ZNF695: variants seen among roughly 807,000 people sequenced by gnomAD.
The protein encoded by ZNF695 is zinc finger protein SBZF3.
A neutral mutation model predicts 11.2 loss-of-function variants in ZNF695; 11 were observed. That is an observed-to-expected ratio of 0.98 (90% confidence interval 0.62 to 1.62). ZNF695 has a LOEUF of 1.62. Ranked by LOEUF, ZNF695 falls within the 40% of genes most tolerant of loss-of-function variation. The probability of loss-of-function intolerance (pLI) is 0.00; values close to 1 mark genes in which losing one functional copy is unlikely to be tolerated. For synonymous variants in ZNF695, 190 were observed against 201.4 expected (o/e 0.94, Z 0.48); for missense variants, 559 against 590.5 (o/e 0.95, Z 0.55).
At chr1:246,989,689 G>A (rs1668968602) in intron 3 of ZNF695, among the ~76,000 whole-genome samples, 1 of 152,198 alleles carries the variant, frequency 6.6e-6, no homozygotes, top group Non-Finnish European at 1.5e-5. Flanking sequence ...CTGAATGGAT[G>A]AAAACACAAG....
rs748651459 is a variant in ZNF695, at chr1:246,986,936, T to C, written c.*31A>G. 18 of 1,534,350 alleles carry C rather than the reference T, an allele frequency of 1.2e-5. No individual in the cohort carries two copies. Among genetic ancestry groups the C allele is most frequent in the South Asian group, 4.0e-5 (3 of 75,450 alleles). On this transcript the variant is annotated 3_prime_UTR_variant, in exon 4 of 4. Transcript: ENST00000339986. ...AGTTGTGAATAGGTATTAAAGACTA[T>C]GCCATATTGTTTAGAATTGTAGGGT...
At chr1:246,988,473 C>A (rs1046083995) in intron 3 of ZNF695, among the ~76,000 whole-genome samples, 1 of 151,986 alleles carries the variant, frequency 6.6e-6, no homozygotes, top group Non-Finnish European at 1.5e-5. Flanking sequence ...AAATGACGTA[C>A]AATGAAGCTC....
At chr1:246,984,424 G>C (rs547629196), downstream of ZNF695, among the ~76,000 whole-genome samples, 1 of 152,246 alleles carries the variant, frequency 6.6e-6, no homozygotes, top group East Asian at 1.9e-4. Context: ...AGCCTGGGTA[G>C]AGAAGTCCTT....
At chr1:246,946,974 T>C (rs894422053) in intron 5 of ZNF695, among the ~76,000 whole-genome samples, 2 of 151,854 alleles carry the variant, frequency 1.3e-5, no homozygotes, top group Non-Finnish European at 2.9e-5. Flanking sequence ...ACCCCGTCTC[T>C]ACAAAAAATA....
intron 5 of ZNF695, among the ~76,000 whole-genome samples, chr1:246,961,352 T>C (rs1212472042): frequency 6.6e-6 from 1 of 152,220 alleles, no homozygotes; most frequent in African/African-American, 2.4e-5. Context: ...CATGTGCACG[T>C]AGATACTCGA....
At chr1:247,004,810 G>A (rs1669488430) in intron 1 of ZNF695, among the ~76,000 whole-genome samples, 1 of 152,108 alleles carries the variant, frequency 6.6e-6, no homozygotes. Context: ...AAAAAGAAAT[G>A]AAGAAAGTAA....
chr1:246,947,137 C>CTCAAAAA (rs1329661347), intron 5 of ZNF695, among the ~76,000 whole-genome samples: 1 of 90,330 alleles, frequency 1.1e-5, no homozygotes, highest in Non-Finnish European at 2.1e-5. Context: ...GAGACTCCGT[C>CTCAAAAA]AAAAAAAAAA....
downstream of ZNF695, among the ~76,000 whole-genome samples, chr1:246,984,152 CAAAA>C (rs11321674): frequency 1.1e-5 from 1 of 91,628 alleles, no homozygotes; most frequent in Non-Finnish European, 2.0e-5. Flanking sequence ...ACCATGTCTC[CAAAA>C]AAAAAAAAAA....
At chr1:246,958,001 G>C (rs1052798574) in intron 5 of ZNF695, among the ~76,000 whole-genome samples, 19 of 151,610 alleles carry the variant, frequency 1.3e-4, no homozygotes, top group African/African-American at 4.6e-4. Context: ...TTGGATCTAT[G>C]TTTCTTCTCT....
intron 3 of ZNF695, among the ~76,000 whole-genome samples, chr1:246,996,537 AAAAT>A (rs1295228672): frequency 6.6e-6 from 1 of 152,354 alleles, no homozygotes; most frequent in African/African-American, 2.4e-5. Context: ...TGTCTCAAGA[AAAAT>A]AAATAAATAA....
At chr1:246,993,601 G>T (rs1343718370) in intron 3 of ZNF695, among the ~76,000 whole-genome samples, 1 of 152,006 alleles carries the variant, frequency 6.6e-6, no homozygotes, top group African/African-American at 2.4e-5. Context: ...AGATTACAAT[G>T]TATACAAAGT....
intron 5 of ZNF695, among the ~76,000 whole-genome samples, chr1:246,963,773 G>C (rs1040980486): frequency 6.6e-6 from 1 of 152,128 alleles, no homozygotes; most frequent in African/African-American, 2.4e-5. Context: ...ACACCAGCTG[G>C]GTGATCTACA....
At chr1:246,967,257 G>T (rs1668313132) in intron 5 of ZNF695, among the ~76,000 whole-genome samples, 1 of 152,096 alleles carries the variant, frequency 6.6e-6, no homozygotes, top group African/African-American at 2.4e-5. Context: ...CATATTAAAA[G>T]GATTATATAT....
chr1:246,945,938 G>A, intron 5 of ZNF695: 1 of 1,353,252 alleles, frequency 7.4e-7, no homozygotes, highest in South Asian at 1.3e-5. Flanking sequence ...TTCCATTGGA[G>A]AAGTCTGTCT....
At position 246,986,133 on chromosome 1, in the gene ZNF695, G is replaced by T; in HGVS notation, c.*834C>A. On this transcript the variant is annotated 3_prime_UTR_variant, in exon 4 of 4. Transcript: ENST00000339986. The stretch of plus-strand genomic sequence containing the variant: ...TGCCCAGGCAGGAGTGAAGTTGCCA[G>T]ATAGCAGCTCACTGCATCCTCAACC... 2.6e-6 allele frequency: 2 copies of T among 784,238 alleles called. No individual in the cohort carries two copies. Among genetic ancestry groups the T allele is most frequent in the Non-Finnish European group, 3.1e-6 (2 of 646,536 alleles). 48.6% of individuals were successfully genotyped at this position (784,238 alleles called of 1,614,324 possible). A position where few individuals can be genotyped will look rare whatever the true frequency, so the allele number is the denominator to read the frequency against.
intron 5 of ZNF695, among the ~76,000 whole-genome samples, chr1:246,966,663 G>A (rs1254581977): frequency 3.9e-5 from 6 of 152,048 alleles, no homozygotes; most frequent in Non-Finnish European, 7.4e-5. Context: ...GCACATTCTT[G>A]TAGTACTAGC....
chr1:246,955,985 A>ATTTT (rs74163714), intron 5 of ZNF695, among the ~76,000 whole-genome samples: 1 of 132,046 alleles, frequency 7.6e-6, no homozygotes, highest in Non-Finnish European at 1.6e-5. Flanking sequence ...TTTGGATTGG[A>ATTTT]TTTTTTTTTT....
rs535223876 is a variant in ZNF695 at position 247,002,792 on chromosome 1, A to AGG, written c.4-2720_4-2719dup. Among the ~76,000 whole-genome samples the AGG allele has an allele frequency of 1.4e-3, 213 of 150,926 alleles. 1 individual carries two copies. Among genetic ancestry groups the AGG allele is most frequent in the African/African-American group, 5.1e-3 (209 of 40,994 alleles). ...AGTGAGACTCTGTCTCAAAAAAAAA[A>AGG]GGGGGGGGCAGCAAAGGACTTGAAG... On this transcript the variant is annotated intron_variant, in intron 1 of 3. Transcript: ENST00000339986.
intron 1 of ZNF695, among the ~76,000 whole-genome samples, chr1:247,006,974 A>C (rs1669558635): frequency 6.6e-6 from 1 of 152,218 alleles, no homozygotes; most frequent in African/African-American, 2.4e-5. Context: ...CAACCACTAA[A>C]TGCTAATAAA....
Sources: allele counts gnomAD v4.1 joint callset (sites outside exome capture counted in the v4.1 genomes callset), GRCh38; gene constraint gnomAD v4.1.1; transcripts MANE v1.5; gene names NCBI Gene and HGNC (gene_info 2026-07-23, HGNC 2026-07-21).